Variants in MEIOSIN observed in about 807,000 individuals in gnomAD.
MEIOSIN encodes meiosis initiator, also known as meiosis initiator protein.
Under a neutral mutation model 23.4 loss-of-function variants are expected in MEIOSIN, and 18 were observed. The observed-to-expected ratio is 0.77, with a 90% confidence interval of 0.53 to 1.14. The LOEUF (loss-of-function observed/expected upper bound fraction) is 1.14. Among genes scored for constraint, MEIOSIN ranks in the 50% most tolerant of loss-of-function variants. MEIOSIN has a pLI of 0.00. For missense variants in MEIOSIN, 428 were observed against 242.9 expected, an observed-to-expected ratio of 1.76 and a Z score of -5.07; for synonymous variants, 187 against 100.6, an observed-to-expected ratio of 1.86 and a Z score of -5.14.
At chr19:45,750,319 G>A (rs1213213850) in intron 4 of MEIOSIN, among the ~76,000 whole-genome samples, 1 of 145,612 alleles carries the variant, frequency 6.9e-6, no homozygotes, top group African/African-American at 2.5e-5. Context: ...AGCCCTGGCT[G>A]TTGTGCTCAA....
At chr19:45,760,162 A>G (rs1968911181) in intron 11 of MEIOSIN, among the ~76,000 whole-genome samples, 2 of 151,654 alleles carry the variant, frequency 1.3e-5, no homozygotes, top group Admixed American at 1.3e-4. Context: ...TTTTACAGAT[A>G]AGGAAATTGA....
chr19:45,742,527 C>A (rs1968523936), intron 3 of MEIOSIN, among the ~76,000 whole-genome samples: 1 of 151,718 alleles, frequency 6.6e-6, no homozygotes, highest in Admixed American at 6.6e-5. Context: ...CGCCTGTAAT[C>A]CTAGCACTTT....
chr19:45,757,065 G>C, intron 8 of MEIOSIN, 112 bp from the exon 9 acceptor site: 1 of 616,354 alleles, frequency 1.6e-6, no homozygotes, highest in Non-Finnish European at 2.9e-6. Context: ...GACTGACTGA[G>C]CTTTACACCC....
At chr19:45,742,222 G>A (rs1968518228) in intron 3 of MEIOSIN, among the ~76,000 whole-genome samples, 1 of 152,004 alleles carries the variant, frequency 6.6e-6, no homozygotes. Context: ...GCCCAGGCTG[G>A]ACTCAAACTC....
chr19:45,763,550 G>A, intron 14 of MEIOSIN, 123 bp downstream of exon 14: 1 of 397,572 alleles, frequency 2.5e-6, no homozygotes, highest in Non-Finnish European at 4.4e-6. Context: ...GAATTTGCGT[G>A]TTGCCCCTTC....
chr19:45,753,542 G>C, intron 5 of MEIOSIN, 109 bp from the exon 6 acceptor site: 1 of 600,446 alleles, frequency 1.7e-6, no homozygotes, highest in Non-Finnish European at 3.0e-6. Context: ...AAGTCAGCCT[G>C]GGGGCCCACC....
intron 6 of MEIOSIN, 94 bp downstream of exon 6, chr19:45,753,882 A>G: frequency 1.6e-6 from 1 of 616,994 alleles, no homozygotes; most frequent in Non-Finnish European, 2.9e-6. Flanking sequence ...GGGCCTTCTC[A>G]GCACCCTGTG....
At chr19:45,742,775 T>C (rs535065110) in intron 3 of MEIOSIN, among the ~76,000 whole-genome samples, 31 of 152,014 alleles carry the variant, frequency 2.0e-4, no homozygotes, top group Admixed American at 1.9e-3. Flanking sequence ...CCAGCCTGGG[T>C]GACAGAGCAA....
chr19:45,753,342 C>A (rs892903901), intron 5 of MEIOSIN, among the ~76,000 whole-genome samples: 2 of 151,998 alleles, frequency 1.3e-5, no homozygotes, highest in African/African-American at 4.8e-5. Context: ...TTGAGGAAGG[C>A]GGGAGGAGGT....
chr19:45,749,667 G>A (rs1968656355), intron 4 of MEIOSIN, among the ~76,000 whole-genome samples: 1 of 40,582 alleles, frequency 2.5e-5, no homozygotes, highest in South Asian at 1.2e-3. Context: ...ACAAGATTCT[G>A]TCTCAAAAAA....
At chr19:45,745,048 G>A (rs536202845) in intron 3 of MEIOSIN, 144 bp from the exon 4 acceptor site, 68 of 632,082 alleles carry the variant, frequency 1.1e-4, no homozygotes, top group African/African-American at 1.1e-3. Flanking sequence ...TAACAAGTAC[G>A]GGTGATGCCT....
chr19:45,736,184 T>C (rs1968405545), intron 2 of MEIOSIN, among the ~76,000 whole-genome samples: 1 of 152,058 alleles, frequency 6.6e-6, no homozygotes, highest in Non-Finnish European at 1.5e-5. Context: ...ACAGCTAAGA[T>C]TACAGGCACA....
At chr19:45,750,641 G>A (rs931710316) in intron 4 of MEIOSIN, 34 bp from the exon 5 acceptor site, 7 of 517,882 alleles carry the variant, frequency 1.4e-5, no homozygotes, top group African/African-American at 1.2e-4. Context: ...TTACAGGCGT[G>A]AGCCTGGCCA....
intron 3 of MEIOSIN, among the ~76,000 whole-genome samples, chr19:45,743,262 G>A (rs1968537291): frequency 6.6e-6 from 1 of 152,168 alleles, no homozygotes; most frequent in Non-Finnish European, 1.5e-5. Context: ...CTCTGAGACG[G>A]TCAAATAACA....
In MEIOSIN at chr19:45,733,867, G is replaced by T. The variant is rs1479563571; in HGVS notation, c.-1+201G>T. Among the ~76,000 whole-genome samples the T allele has an allele frequency of 6.6e-6, 1 of 152,186 alleles. No homozygotes were observed. The highest frequency in any genetic ancestry group is 6.5e-5 in the Admixed American group (1 of 15,270). On this transcript the variant is annotated intron_variant, in intron 1 of 14. Coordinates refer to ENST00000457052, the MANE Select transcript of MEIOSIN (RefSeq NM_001310124.2). The surrounding 1 kb of genome is among the most constrained non-coding windows in gnomAD (Gnocchi z 5.7). ...GGGTCCAGGTTCGAGTTTGAGGAAC[G>T]GAAGACTCTGTTTGTGTTGGGAATC...
At position 45,736,414 on chromosome 19, in the gene MEIOSIN, G is replaced by A. The variant is rs117262168; in HGVS notation, c.71+967G>A. On this transcript the variant is annotated intron_variant, in intron 2 of 14. Transcript: ENST00000457052. ...CTAACTCTGATGCCCAGGCTGTAGA[G>A]TGCAGTGGCGCGATCTTGGTTCACT... Among the ~76,000 whole-genome samples, 96 of 152,186 alleles carry A rather than the reference G, an allele frequency of 6.3e-4. 2 individuals carry two copies. In the East Asian group the frequency reaches 0.017, roughly 27 times the overall value.
At chr19:45,748,510 A>G (rs4802274) in intron 4 of MEIOSIN, among the ~76,000 whole-genome samples, 37,452 of 152,082 alleles carry the variant, frequency 0.25, 5,437 homozygotes, top group Admixed American at 0.38. Context: ...TTGTTGGGAC[A>G]GTTACAGGAC....
At chr19:45,735,963 C>T (rs960835793) in intron 2 of MEIOSIN, among the ~76,000 whole-genome samples, 2 of 152,168 alleles carry the variant, frequency 1.3e-5, no homozygotes, top group African/African-American at 2.4e-5. Context: ...AGGTGTAAGC[C>T]ACCATGCCCA....
At chr19:45,757,909 C>A (rs961328469) in intron 9 of MEIOSIN, among the ~76,000 whole-genome samples, 2 of 152,202 alleles carry the variant, frequency 1.3e-5, no homozygotes, top group African/African-American at 4.8e-5. Context: ...CTCACTGAGG[C>A]CTCCAATTCC....
Sources: gnomAD v4.1 joint callset for allele counts (sites outside exome capture counted in the v4.1 genomes callset) on GRCh38, gnomAD v4.1.1 for gene constraint, Gnocchi (gnomAD v3.1) non-coding constraint, MANE v1.5 for transcripts, NCBI Gene and HGNC (gene_info 2026-07-23, HGNC 2026-07-21) for gene names.